Variants in SYN1 observed in about 807,000 individuals in gnomAD.
SYN1 encodes synapsin-1.
Under a neutral mutation model 44.6 loss-of-function variants are expected in SYN1, and 8 were observed. That is an observed-to-expected ratio of 0.18 (90% CI 0.11 to 0.32). SYN1 has a LOEUF of 0.32. Among genes scored for constraint, SYN1 ranks in the 10% least tolerant of loss-of-function variants. SYN1 has a pLI of 1.00. For synonymous variants in SYN1, 275 were observed against 280.1 expected (o/e 0.98, Z 0.18); for missense variants, 451 against 639.4 (o/e 0.71, Z 3.18).
intron 1 of SYN1, among the ~76,000 whole-genome samples, chrX:47,617,808 G>A (rs914417816): frequency 8.9e-6 from 1 of 112,183 alleles, no homozygotes; most frequent in African/African-American, 3.2e-5. Flanking sequence ...GGAAGAAAAG[G>A]TCTTTGGGGG....
At position 47,576,334 on chromosome X, in the gene SYN1, G is replaced by A; in HGVS notation, c.1053C>T (p.Asp351=). Residue 351 remains aspartate, a splice_region_variant and synonymous_variant, in exon 8 of 13, where the codon GAC becomes GAT. Coordinates refer to ENST00000295987, the MANE Select transcript of SYN1 (RefSeq NM_006950.3). ...SAMLEQIAMS[D]RYKLWVDTCS... ...CACCCTGAGTTCGGGCTGCCCACCTGTCAGACATGGCAATTTGCTCCAGCA... is the reference window on the plus strand; with the variant it reads ...CACCCTGAGTTCGGGCTGCCCACCTATCAGACATGGCAATTTGCTCCAGCA... 1 of 1,211,774 alleles carries A rather than the reference G, an allele frequency of 8.3e-7. No homozygotes were observed. Among genetic ancestry groups the A allele is most frequent in the Non-Finnish European group, 1.1e-6 (1 of 895,457 alleles).
intron 5 of SYN1, among the ~76,000 whole-genome samples, chrX:47,604,341 C>T (rs1007985520): frequency 9.0e-6 from 1 of 111,148 alleles, no homozygotes; most frequent in African/African-American, 3.3e-5. Context: ...CAACCTCCAA[C>T]TCCCGGGTTC....
chrX:47,594,353 G>A (rs1603065284), intron 5 of SYN1, among the ~76,000 whole-genome samples: 1 of 107,061 alleles, frequency 9.3e-6, no homozygotes, highest in Non-Finnish European at 1.9e-5. Context: ...CTAACATGGT[G>A]AACCCCATCT....
intron 3 of SYN1, among the ~76,000 whole-genome samples, chrX:47,606,039 C>T (rs754187681): frequency 9.1e-6 from 1 of 109,876 alleles, no homozygotes; most frequent in Non-Finnish European, 1.9e-5. Flanking sequence ...ATTACAGGCA[C>T]CTGCCACCAC....
At chrX:47,580,065 G>A (rs2057791707) in intron 5 of SYN1, among the ~76,000 whole-genome samples, 2 of 110,111 alleles carry the variant, frequency 1.8e-5, no homozygotes, top group Admixed American at 1.9e-4. Context: ...CGATCCTCAA[G>A]AAGTGTTGGG....
intron 5 of SYN1, chrX:47,585,588 T>C: frequency 8.3e-7 from 1 of 1,199,071 alleles, no homozygotes; most frequent in Non-Finnish European, 1.1e-6. Context: ...TGCAGTTTTG[T>C]GGCTCCCTGG....
At chrX:47,585,946 C>T (rs955028863) in intron 5 of SYN1, 3 of 1,088,271 alleles carry the variant, frequency 2.8e-6, no homozygotes, top group East Asian at 4.0e-5. Context: ...TCCCACTCCC[C>T]GTTCCTGAGC....
chrX:47,619,396 G>C lies in SYN1; in HGVS notation c.333C>G (p.Ala111=). Residue 111 remains alanine, a synonymous_variant, in exon 1 of 13, where the codon GCC becomes GCG. Transcript: ENST00000295987. ...CGATGACCAGCAGCACCCTGGAGGC[G>C]GCTCCCCCGCGGCCTGCGCCCCCAG... ...GGSGGAGRGG[A]ASRVLLVIDE... The C allele has an allele frequency of 8.4e-7, 1 of 1,191,519 alleles. No homozygotes were observed. The highest frequency in any genetic ancestry group is 1.1e-6 in the Non-Finnish European group (1 of 890,546).
intron 12 of SYN1, 119 bp from the exon 13 acceptor site, chrX:47,573,118 G>A: frequency 3.1e-6 from 3 of 976,754 alleles, no homozygotes. Context: ...TCCTGGGGCT[G>A]TGCCTGTGAC....
chrX:47,619,735 G>A lies in SYN1; in HGVS notation c.-7C>T. ...GGCGCCGCAGGTAGTTCATGGCTGC[G>A]ACTTGGGGCAGGGGGTCCTAGGGGT... On this transcript the variant is annotated 5_prime_UTR_variant, in exon 1 of 13. Coordinates refer to ENST00000295987, the MANE Select transcript of SYN1 (RefSeq NM_006950.3). 1 of 1,165,914 alleles carries A rather than the reference G, an allele frequency of 8.6e-7. No homozygotes were observed. The highest frequency in any genetic ancestry group is 1.1e-6 in the Non-Finnish European group (1 of 871,880).
intron 1 of SYN1, among the ~76,000 whole-genome samples, chrX:47,614,607 G>A (rs1374673078): frequency 8.9e-6 from 1 of 111,840 alleles, no homozygotes; most frequent in Non-Finnish European, 1.9e-5. Flanking sequence ...GAAGGAAGTG[G>A]ATCGGAGCAG....
intron 5 of SYN1, among the ~76,000 whole-genome samples, chrX:47,594,376 C>A (rs1203025250): frequency 9.3e-6 from 1 of 107,822 alleles, no homozygotes; most frequent in African/African-American, 3.4e-5. Flanking sequence ...ACTAAAAATA[C>A]AAAAATAATT....
chrX:47,586,242 C>G (rs1289135129), intron 5 of SYN1: 23 of 751,606 alleles, frequency 3.1e-5, no homozygotes, highest in Non-Finnish European at 3.6e-5. Context: ...GCCAGTTTTT[C>G]CCTGTCCTTT....
At chrX:47,591,720 C>CAA (rs150642282) in intron 5 of SYN1, among the ~76,000 whole-genome samples, 10 of 90,624 alleles carry the variant, frequency 1.1e-4, no homozygotes, top group African/African-American at 4.1e-4. Context: ...CACCCTGTCT[C>CAA]AAAAAAAAAA....
chrX:47,599,121 A>T (rs1457065658), intron 5 of SYN1, among the ~76,000 whole-genome samples: 2 of 112,277 alleles, frequency 1.8e-5, no homozygotes, highest in Non-Finnish European at 3.8e-5. Flanking sequence ...TATCTGTTTA[A>T]CTTAAAAGAA....
chrX:47,616,218 C>T (rs2057930943), intron 1 of SYN1, among the ~76,000 whole-genome samples: 1 of 110,911 alleles, frequency 9.0e-6, no homozygotes, highest in Non-Finnish European at 1.9e-5. Flanking sequence ...CACCCCACCC[C>T]ACATATAGTA....
intron 5 of SYN1, among the ~76,000 whole-genome samples, chrX:47,600,064 C>T (rs1341849447): frequency 8.9e-6 from 1 of 112,227 alleles, no homozygotes; most frequent in Non-Finnish European, 1.9e-5. Flanking sequence ...GTGCACCTAA[C>T]AACACAGCAC....
chrX:47,578,308 C>T (rs890295071), intron 5 of SYN1, among the ~76,000 whole-genome samples: 3 of 110,876 alleles, frequency 2.7e-5, no homozygotes, highest in Admixed American at 9.6e-5. Context: ...TCCACAGAAC[C>T]GGGCACATAC....
In SYN1 at chrX:47,574,252, A is replaced by G. The variant is rs1255887208; in HGVS notation, c.1732T>C (p.Ser578Pro). The change falls in exon 12 of 13, where the codon TCT becomes CCT. Residue 578 changes from serine (S) to proline (P), a missense_variant. Around this residue, in one of 3 missense-constraint regions of SYN1, gnomAD observed 127 missense variants for 154.8 expected, o/e 0.82. Coordinates refer to ENST00000295987, the MANE Select transcript of SYN1 (RefSeq NM_006950.3). Reference protein sequence around the residue: ...SVSGPAPPKASGAPPGGQQRQ... With the variant: ...SVSGPAPPKAPGAPPGGQQRQ... The stretch of plus-strand genomic sequence containing the variant: ...TGCTGCCCGCCCGGTGGGGCCCCAG[A>G]GGCCTTTGGCGGAGCCGGGCCAGAG... The G allele has an allele frequency of 2.7e-6, 3 of 1,099,649 alleles. No individual in the cohort carries two copies. Among genetic ancestry groups the G allele is most frequent in the Non-Finnish European group, 1.2e-6 (1 of 847,136 alleles). 90.6% of individuals were successfully genotyped at this position (1,099,649 alleles called of 1,213,427 possible). A position where few individuals can be genotyped will look rare whatever the true frequency, so the allele number is the denominator to read the frequency against.
Sources: allele counts gnomAD v4.1 joint callset (sites outside exome capture counted in the v4.1 genomes callset), GRCh38; gene constraint gnomAD v4.1.1; regional missense constraint gnomAD v4.1.1; transcripts MANE v1.5; gene names NCBI Gene and HGNC (gene_info 2026-07-23, HGNC 2026-07-21).